TPO: variants seen among roughly 807,000 people sequenced by gnomAD.
TPO encodes the protein thyroid peroxidase.
TPO carries 78 observed loss-of-function variants against 96.9 expected under a neutral mutation model. That is an observed-to-expected ratio of 0.81 (90% CI 0.67 to 0.97). The LOEUF is 0.97. Among genes scored for constraint, TPO ranks in the 50% least tolerant of loss-of-function variants. The pLI is 0.00. For synonymous variants in TPO, 547 were observed against 538.0 expected, an observed-to-expected ratio of 1.02 and a Z score of -0.23; for missense variants, 1,252 against 1,274.8, an observed-to-expected ratio of 0.98 and a Z score of 0.27.
chr2:1,393,393 G>C (rs1662033276), intron 1 of TPO, among the ~76,000 whole-genome samples: 1 of 152,206 alleles, frequency 6.6e-6, no homozygotes, highest in African/African-American at 2.4e-5. Context: ...CGTGAGGTTT[G>C]GGTGGGGACA....
At chr2:1,448,929 G>A (rs1477385752) in intron 5 of TPO, among the ~76,000 whole-genome samples, 1 of 152,122 alleles carries the variant, frequency 6.6e-6, no homozygotes, top group Non-Finnish European at 1.5e-5. Flanking sequence ...CTTCCCAAAT[G>A]TGCTTCCCTC....
intron 1 of TPO, among the ~76,000 whole-genome samples, chr2:1,400,631 A>AC (rs1204566274): frequency 6.6e-6 from 1 of 151,874 alleles, no homozygotes; most frequent in South Asian, 2.1e-4. Context: ...CAAAAAAAAA[A>AC]AAAACAAATT....
At position 1,535,008 on chromosome 2, in the gene TPO, C is replaced by T. The variant is rs186599761; in HGVS notation, c.2619-5586C>T. Among the ~76,000 whole-genome samples the T allele has an allele frequency of 5.8e-3, 850 of 147,388 alleles. 141 individuals are homozygous for T. Among genetic ancestry groups the T allele is most frequent in the Middle Eastern group, 0.018 (5 of 272 alleles). On this transcript the variant is annotated intron_variant, in intron 15 of 16. Coordinates refer to ENST00000329066, the MANE Select transcript of TPO (RefSeq NM_001206744.2). ...AGTGTGTGCAATTTCCCTAAATCGCCGCAAGTGTGTACAACCTCCCCAAAT... is the reference window on the plus strand; with the variant it reads ...AGTGTGTGCAATTTCCCTAAATCGCTGCAAGTGTGTACAACCTCCCCAAAT...
At chr2:1,449,529 C>G (rs563337234) in intron 5 of TPO, among the ~76,000 whole-genome samples, 111 of 152,294 alleles carry the variant, frequency 7.3e-4, no homozygotes, top group Admixed American at 1.2e-3. Context: ...AGTTCAATTG[C>G]TCAAAACAGT....
At chr2:1,433,737 T>C in intron 4 of TPO, 130 bp downstream of exon 4, 11 of 1,056,984 alleles carry the variant, frequency 1.0e-5, no homozygotes, top group Non-Finnish European at 1.4e-5. Context: ...TCCAGCTCTT[T>C]CAAAGCATAC....
At position 1,379,176 on chromosome 2, in the gene TPO, A is replaced by G. The variant is rs186093044; in HGVS notation, n.180+4774A>G. On this transcript the variant is annotated intron_variant and non_coding_transcript_variant, in intron 1 of 5. Coordinates refer to the TPO transcript ENST00000497517. ...AAAAATTAGCCAGGTGTGGTGGCGC[A>G]CGCATGTAGTCCCAGCTACTCAGGA... Among the ~76,000 whole-genome samples, 335 of 152,188 alleles carry G rather than the reference A, an allele frequency of 2.2e-3. 1 individual carries two copies. Among genetic ancestry groups the G allele is most frequent in the African/African-American group, 7.6e-3 (317 of 41,548 alleles).
intron 15 of TPO, among the ~76,000 whole-genome samples, chr2:1,537,793 G>A (rs1680170485): frequency 1.2e-5 from 1 of 86,180 alleles, no homozygotes; most frequent in South Asian, 3.5e-4. Context: ...TCCCCCCATT[G>A]TGAGCAATGT....
intron 7 of TPO, among the ~76,000 whole-genome samples, chr2:1,468,826 T>C (rs1460762614): frequency 1.3e-5 from 2 of 152,228 alleles, no homozygotes; most frequent in Non-Finnish European, 2.9e-5. Flanking sequence ...TTTCTCTTCT[T>C]CCTCAGGAAT....
intron 9 of TPO, among the ~76,000 whole-genome samples, chr2:1,485,351 T>G (rs1671056455): frequency 6.6e-6 from 1 of 152,198 alleles, no homozygotes; most frequent in African/African-American, 2.4e-5. Context: ...TTTTAAATAG[T>G]GCTGCAATAA....
intron 15 of TPO, among the ~76,000 whole-genome samples, chr2:1,526,692 C>CG (rs1431747533): frequency 2.3e-5 from 2 of 87,548 alleles, no homozygotes; most frequent in East Asian, 6.5e-4. Context: ...CCCAAATCCC[C>CG]CCCCCACTGT....
intron 1 of TPO, among the ~76,000 whole-genome samples, chr2:1,381,969 A>G (rs1229135896): frequency 6.6e-6 from 1 of 152,164 alleles, no homozygotes; most frequent in East Asian, 1.9e-4. Context: ...ACGCAGCTGT[A>G]AATTGTGGTT....
At chr2:1,537,598 T>TAA (rs1680107839) in intron 15 of TPO, among the ~76,000 whole-genome samples, 2 of 81,866 alleles carry the variant, frequency 2.4e-5, no homozygotes, top group Non-Finnish European at 4.4e-5. Flanking sequence ...CCCCCCATTG[T>TAA]GTGCAAACTC....
At chr2:1,446,461 C>A (rs888086104) in intron 5 of TPO, among the ~76,000 whole-genome samples, 1 of 152,166 alleles carries the variant, frequency 6.6e-6, no homozygotes, top group Non-Finnish European at 1.5e-5. Flanking sequence ...CCTCACCAAT[C>A]CCCGTCACTG....
chr2:1,439,086 C>A, intron 5 of TPO: 1 of 476,228 alleles, frequency 2.1e-6, no homozygotes, highest in Non-Finnish European at 3.7e-6. Flanking sequence ...TTTTAACAAC[C>A]TCAAGACCAG....
chr2:1,487,766 G>C (rs1573392417), intron 9 of TPO, 55 bp from the exon 10 acceptor site: 1 of 1,600,566 alleles, frequency 6.2e-7, no homozygotes, highest in African/African-American at 1.3e-5. Context: ...AGATATTGTT[G>C]TTTCTCTAGA....
At chr2:1,463,834 C>A (rs980854260) in intron 7 of TPO, among the ~76,000 whole-genome samples, 11 of 152,194 alleles carry the variant, frequency 7.2e-5, no homozygotes, top group African/African-American at 2.7e-4. Flanking sequence ...TCATGCACAC[C>A]AATGTGTATC....
chr2:1,495,873 T>C, intron 11 of TPO, 116 bp from the exon 12 acceptor site: 1 of 1,214,442 alleles, frequency 8.2e-7, no homozygotes. Flanking sequence ...GCTGGGGGTC[T>C]GGGCAGACGC....
chr2:1,522,626 A>C (rs1342924364), intron 15 of TPO, among the ~76,000 whole-genome samples: 2 of 152,006 alleles, frequency 1.3e-5, no homozygotes, highest in African/African-American at 2.4e-5. Flanking sequence ...CAATCTCTCC[A>C]TAGAATACTC....
chr2:1,542,187 C>T (rs1680842355), intron 16 of TPO: 11 of 616,244 alleles, frequency 1.8e-5, no homozygotes, highest in Non-Finnish European at 2.9e-5. Context: ...AGATCCCACT[C>T]TGTGAGTAGG....
Sources: gnomAD v4.1 joint callset for allele counts (sites outside exome capture counted in the v4.1 genomes callset) on GRCh38, gnomAD v4.1.1 for gene constraint, MANE v1.5 for transcripts, NCBI Gene and HGNC (gene_info 2026-07-23, HGNC 2026-07-21) for gene names.